Variants in MTUS1 observed in about 807,000 individuals in gnomAD.
MTUS1 encodes the protein microtubule-associated tumor suppressor 1.
In MTUS1, 109 loss-of-function variants were observed where a neutral mutation model predicts 120.8. The observed-to-expected ratio is 0.90, with a 90% CI of 0.77 to 1.06. MTUS1 has a LOEUF of 1.06. Ranked by LOEUF, MTUS1 falls within the 50% of genes least tolerant of loss-of-function variation. The pLI, the probability that MTUS1 is intolerant of heterozygous loss-of-function variation, is 0.00. For synonymous variants in MTUS1, 737 were observed against 550.5 expected, an observed-to-expected ratio of 1.34 and a Z score of -4.74; for missense variants, 2,210 against 1,486.3, an observed-to-expected ratio of 1.49 and a Z score of -8.01.
chr8:17,799,609 T>C (rs1192346381), intron 1 of MTUS1, among the ~76,000 whole-genome samples: 2 of 152,126 alleles, frequency 1.3e-5, no homozygotes, highest in Non-Finnish European at 2.9e-5. Context: ...GTGTAATAAC[T>C]GCAGGTTAGT....
chr8:17,738,840 T>TA lies in MTUS1; in HGVS notation c.2287+4763dup, dbSNP rs199715700. ...GCTGGGCAACAAGAATTTTAATTTT[T>TA]AAAAAAATTAAACGTTAGCCTGGTG... is the stretch of plus-strand genomic sequence containing the variant. On this transcript the variant is annotated intron_variant, in intron 3 of 14. Coordinates refer to ENST00000693296, the MANE Select transcript of MTUS1 (RefSeq NM_001363059.2). Among the ~76,000 whole-genome samples, 1,216 of 152,146 alleles carry TA rather than the reference T, an allele frequency of 8.0e-3. 13 individuals are homozygous for TA. Among genetic ancestry groups the TA allele is most frequent in the Non-Finnish European group, 0.014 (923 of 67,998 alleles).
chr8:17,684,286 G>A lies in MTUS1; in HGVS notation c.2838+42C>T, dbSNP rs574844374. 1.0e-5 allele frequency: 15 copies of A among 1,503,858 alleles called. 1 individual carries two copies. The highest frequency in any genetic ancestry group is 2.7e-5 in the African/African-American group (2 of 72,780). The allele number at this position is 1,503,858 out of a possible 1,614,324, so 93.2% of individuals were successfully genotyped here. A position where few individuals can be genotyped will look rare whatever the true frequency, so the allele number is the denominator to read the frequency against. On this transcript the variant is annotated intron_variant, in intron 7 of 14. Coordinates refer to ENST00000693296, the MANE Select transcript of MTUS1 (RefSeq NM_001363059.2). ...GAGCAAGTCCTCCCCGTGCTCCCCCGACCTCAAGTAGAAAGGCTCTTTCTA... is the reference window on the plus strand; with the variant it reads ...GAGCAAGTCCTCCCCGTGCTCCCCCAACCTCAAGTAGAAAGGCTCTTTCTA...
At position 17,674,701 on chromosome 8, in the gene MTUS1, G is replaced by C. The variant is rs111521384; in HGVS notation, c.2905+485C>G. 611 of 987,992 alleles carry C rather than the reference G, an allele frequency of 6.2e-4. 6 individuals carry two copies. The African/African-American group carries it at 0.01, about 16-fold the overall frequency. 61.2% of individuals were successfully genotyped at this position (987,992 alleles called of 1,614,324 possible). On this transcript the variant is annotated intron_variant, in intron 8 of 14. Coordinates refer to ENST00000693296, the MANE Select transcript of MTUS1 (RefSeq NM_001363059.2). ...TGAACCATCAGCCCCCCTCCAAATA[G>C]TAAGATTAGCATAGAACGTGCCTTT...
intron 6 of MTUS1, among the ~76,000 whole-genome samples, chr8:17,698,030 A>G (rs562807614): frequency 7.2e-5 from 11 of 152,254 alleles, no homozygotes; most frequent in Admixed American, 2.0e-4. Context: ...CAACTACAAT[A>G]TTTAAGAAAA....
At position 17,658,024 on chromosome 8, in the gene MTUS1, G is replaced by GACACACACACACACACACAC. The variant is rs58132896; in HGVS notation, c.2906-1979_2906-1960dup. ...TACACATATATACACTATATATATAGACACACACACACACACACACACACA... is the reference window on the plus strand; with the variant it reads ...TACACATATATACACTATATATATAGACACACACACACACACACACACACACACACACACACACACACACA... On this transcript the variant is annotated intron_variant, in intron 8 of 14. Coordinates refer to ENST00000693296, the MANE Select transcript of MTUS1 (RefSeq NM_001363059.2). Among the ~76,000 whole-genome samples, 202 of 140,508 alleles carry GACACACACACACACACACAC rather than the reference G, an allele frequency of 1.4e-3. 2 individuals carry two copies. The highest frequency in any genetic ancestry group is 2.2e-3 in the Non-Finnish European group (144 of 65,126). 92.2% of individuals were successfully genotyped at this position (140,508 alleles called of 152,430 possible).
At chr8:17,779,169 G>A (rs1241094587) in intron 1 of MTUS1, among the ~76,000 whole-genome samples, 1 of 152,210 alleles carries the variant, frequency 6.6e-6, no homozygotes, top group East Asian at 1.9e-4. Context: ...GTTTCTAAAT[G>A]TGTCATTACA....
At chr8:17,781,504 T>C (rs2050872485) in intron 1 of MTUS1, among the ~76,000 whole-genome samples, 1 of 152,262 alleles carries the variant, frequency 6.6e-6, no homozygotes, top group African/African-American at 2.4e-5. Flanking sequence ...ATGACAGTGA[T>C]TAATATTAAA....
At chr8:17,766,004 A>G (rs181653835) in intron 1 of MTUS1, among the ~76,000 whole-genome samples, 8 of 152,244 alleles carry the variant, frequency 5.3e-5, no homozygotes, top group African/African-American at 1.9e-4. Flanking sequence ...ACATACTATA[A>G]ATTATACACT....
chr8:17,732,901 C>A (rs1276240938), intron 3 of MTUS1, among the ~76,000 whole-genome samples: 2 of 152,122 alleles, frequency 1.3e-5, no homozygotes, highest in African/African-American at 4.8e-5. Flanking sequence ...GAAAACATAA[C>A]CTCCTGCTGC....
chr8:17,797,449 G>GAAA (rs139389724), intron 1 of MTUS1, among the ~76,000 whole-genome samples: 4,063 of 151,386 alleles, frequency 0.027, 178 homozygotes, highest in African/African-American at 0.094. Flanking sequence ...TAAAAAGTTA[G>GAAA]AAGAAATTAC....
chr8:17,666,267 C>A (rs1291281659), intron 8 of MTUS1, among the ~76,000 whole-genome samples: 1 of 143,506 alleles, frequency 7.0e-6, no homozygotes, highest in East Asian at 2.2e-4. Context: ...CTGTTTCAAT[C>A]AAGAGTTTCA....
chr8:17,687,255 G>C (rs1170757180), intron 6 of MTUS1, among the ~76,000 whole-genome samples: 1 of 152,140 alleles, frequency 6.6e-6, no homozygotes, highest in Admixed American at 6.5e-5. Context: ...AGGATGAAGT[G>C]TGACCGCATG....
intron 3 of MTUS1, among the ~76,000 whole-genome samples, chr8:17,731,832 G>T (rs1291556888): frequency 6.6e-6 from 1 of 152,196 alleles, no homozygotes; most frequent in Non-Finnish European, 1.5e-5. Flanking sequence ...TAACCTCACT[G>T]TGTCTAACAC....
chr8:17,650,474 A>C (rs1806747101), intron 12 of MTUS1, among the ~76,000 whole-genome samples: 1 of 152,278 alleles, frequency 6.6e-6, no homozygotes, highest in Non-Finnish European at 1.5e-5. Flanking sequence ...GGGCAGACAT[A>C]ATACTATCAT....
chr8:17,684,564 G>A (rs753662042), intron 6 of MTUS1, 22 bp from the exon 7 acceptor site: 1 of 1,584,398 alleles, frequency 6.3e-7, no homozygotes, highest in Admixed American at 1.7e-5. Flanking sequence ...ATTAACATAG[G>A]TACAAAGATA....
Position 17,755,354 on chromosome 8 carries a change from A to G in MTUS1, c.454T>C (p.Cys152Arg), listed in dbSNP as rs777817117. 1.9e-6 allele frequency: 3 copies of G among 1,614,234 alleles called. No individual in the cohort carries two copies. The highest frequency in any genetic ancestry group is 4.5e-5 in the East Asian group (2 of 44,886). ...PNDNLNCAGY[C>R]DALELNQTFD... ...GTTTGGTTTAGCTCCAAGGCATCAC[A>G]GTAGCCTGCACAGTTCAAATTGTCA... Residue 152 changes from cysteine (C) to arginine (R), a missense_variant, in exon 2 of 15, where the codon TGT becomes CGT. Cys to Arg is a radical substitution (Grantham distance 180). Transcript: ENST00000693296.
chr8:17,665,873 G>A (rs1175351434), intron 8 of MTUS1, among the ~76,000 whole-genome samples: 1 of 152,110 alleles, frequency 6.6e-6, no homozygotes, highest in African/African-American at 2.4e-5. Context: ...CCTATACTGG[G>A]TAGTGCTGAC....
At chr8:17,763,193 T>C (rs1001127770) in intron 1 of MTUS1, among the ~76,000 whole-genome samples, 3 of 152,078 alleles carry the variant, frequency 2.0e-5, no homozygotes, top group African/African-American at 7.2e-5. Context: ...GGTTTCACCA[T>C]CTTGGCCAGG....
intron 4 of MTUS1, chr8:17,721,647 T>G: frequency 2.0e-6 from 3 of 1,496,246 alleles, no homozygotes; most frequent in Middle Eastern, 1.8e-4. Context: ...AGATCCTAAA[T>G]CAATTTATTG....
Sources: allele counts gnomAD v4.1 joint callset (sites outside exome capture counted in the v4.1 genomes callset), GRCh38; gene constraint gnomAD v4.1.1; transcripts MANE v1.5; gene names NCBI Gene and HGNC (gene_info 2026-07-23, HGNC 2026-07-21).